The following SLIT3 variants were observed in gnomAD, a reference collection of about 807,000 sequenced individuals.
SLIT3 encodes slit guidance ligand 3, also known as slit homolog 3 protein.
Under a neutral mutation model 184.0 loss-of-function variants are expected in SLIT3, and 68 were observed. The ratio of observed to expected loss-of-function variants is 0.37; its 90% CI spans 0.30 to 0.45. SLIT3 has a LOEUF of 0.45. Ranked by LOEUF, SLIT3 falls within the 20% of genes least tolerant of loss-of-function variation. SLIT3 has a pLI of 1.00. For missense variants in SLIT3, 1,707 were observed against 2,026.0 expected, an observed-to-expected ratio of 0.84 and a Z score of 3.02; for synonymous variants, 831 against 828.6, an observed-to-expected ratio of 1.00 and a Z score of -0.05.
At chr5:169,248,182 C>T (rs1011405721) in intron 2 of SLIT3, among the ~76,000 whole-genome samples, 3 of 152,108 alleles carry the variant, frequency 2.0e-5, no homozygotes, top group Non-Finnish European at 4.4e-5. Flanking sequence ...GTAGTGACCC[C>T]GTTTTGACTC....
intron 14 of SLIT3, chr5:168,768,245 A>G (rs1400764176): frequency 2.0e-6 from 1 of 511,676 alleles, no homozygotes. Flanking sequence ...AAAGCCCCGC[A>G]GCGACTGGTC....
chr5:168,772,896 C>T lies in SLIT3; in HGVS notation c.1344G>A (p.Leu448=). 6.8e-6 allele frequency: 11 copies of T among 1,613,212 alleles called. No homozygotes were observed. The highest frequency in any genetic ancestry group is 9.3e-6 in the Non-Finnish European group (11 of 1,179,562). The change falls in exon 14 of 36, where the codon CTG becomes CTA. Residue 448 remains leucine (L), a synonymous_variant. Coordinates refer to ENST00000519560, the MANE Select transcript of SLIT3 (RefSeq NM_003062.4). The part of the protein sequence containing the change: ...PFVCDCHLKW[L]ADYLQDNPIE... ...TGGGGTTGTCCTGGAGGTAGTCGGC[C>T]AGCCACTTCAAGTGGCAGTCGCACA...
intron 4 of SLIT3, among the ~76,000 whole-genome samples, chr5:168,887,919 G>A (rs895906123): frequency 7.2e-5 from 11 of 152,120 alleles, no homozygotes; most frequent in Non-Finnish European, 1.3e-4. Flanking sequence ...ATACGTAAAT[G>A]TTGCTGTACT....
intron 4 of SLIT3, among the ~76,000 whole-genome samples, chr5:169,035,647 G>GAAAAAA (rs201819555): frequency 0.042 from 4,388 of 103,268 alleles, 88 homozygotes; most frequent in Non-Finnish European, 0.051. Context: ...ACTGCATCTG[G>GAAAAAA]AAAAAAAAAA....
intron 1 of SLIT3, among the ~76,000 whole-genome samples, chr5:169,274,842 G>A (rs1163259571): frequency 1.3e-5 from 2 of 152,222 alleles, no homozygotes; most frequent in Admixed American, 1.3e-4. Context: ...GGGTGGTCTT[G>A]TGTGGGTCAT....
intron 5 of SLIT3, among the ~76,000 whole-genome samples, chr5:168,871,734 A>G (rs545190930): frequency 1.3e-5 from 2 of 152,286 alleles, no homozygotes; most frequent in African/African-American, 4.8e-5. Context: ...TCAGAGATGG[A>G]ATAAAAGCAG....
At chr5:168,965,111 T>C (rs1457990665) in intron 4 of SLIT3, among the ~76,000 whole-genome samples, 1 of 152,220 alleles carries the variant, frequency 6.6e-6, no homozygotes, top group Non-Finnish European at 1.5e-5. Flanking sequence ...TGTGGGACTT[T>C]GTTCATCTCA....
chr5:168,686,079 C>T (rs1331795613), intron 30 of SLIT3, 152 bp from the exon 31 acceptor site: 23 of 863,198 alleles, frequency 2.7e-5, no homozygotes, highest in South Asian at 2.5e-4. Context: ...TGCCACTAAC[C>T]GGGGCAAGAC....
intron 9 of SLIT3, among the ~76,000 whole-genome samples, chr5:168,805,973 A>T (rs1756939969): frequency 6.6e-6 from 1 of 152,216 alleles, no homozygotes; most frequent in African/African-American, 2.4e-5. Flanking sequence ...TGAAGGAGAC[A>T]TTATTTTACC....
At chr5:168,870,022 G>A (rs1759453669) in intron 5 of SLIT3, among the ~76,000 whole-genome samples, 1 of 152,238 alleles carries the variant, frequency 6.6e-6, no homozygotes, top group Non-Finnish European at 1.5e-5. Context: ...CGGCACGGCA[G>A]GCGCTATGCA....
At position 168,740,829 on chromosome 5, in the gene SLIT3, G is replaced by A. The variant is rs116356957; in HGVS notation, c.2270+7473C>T. Among the ~76,000 whole-genome samples the A allele has an allele frequency of 3.1e-3, 465 of 152,202 alleles. 2 individuals are homozygous for A. Among genetic ancestry groups the A allele is most frequent in the Non-Finnish European group, 4.9e-3 (331 of 67,998 alleles). On this transcript the variant is annotated intron_variant, in intron 20 of 35. Coordinates refer to ENST00000519560, the MANE Select transcript of SLIT3 (RefSeq NM_003062.4). ...AATTATCTTTGTTATTTCAGTTTTC[G>A]TTCCATGAGCTTTGGGGAAAAGCAT...
At chr5:168,865,922 A>G (rs377677898) in intron 5 of SLIT3, among the ~76,000 whole-genome samples, 1 of 152,288 alleles carries the variant, frequency 6.6e-6, no homozygotes, top group South Asian at 2.1e-4. Context: ...CTAATAATAT[A>G]TTGGTTAGAT....
intron 4 of SLIT3, among the ~76,000 whole-genome samples, chr5:169,145,276 A>G (rs1761889083): frequency 6.6e-6 from 1 of 151,832 alleles, no homozygotes; most frequent in Non-Finnish European, 1.5e-5. Flanking sequence ...CTCCTGGACT[A>G]CAGAGGAAAC....
intron 35 of SLIT3, among the ~76,000 whole-genome samples, chr5:168,667,273 T>G (rs1761087520): frequency 6.6e-6 from 1 of 152,172 alleles, no homozygotes; most frequent in South Asian, 2.1e-4. Flanking sequence ...CTAGATACTA[T>G]TTAAGTGAAT....
At chr5:168,979,848 CCTT>C (rs1754890965) in intron 4 of SLIT3, among the ~76,000 whole-genome samples, 1 of 152,178 alleles carries the variant, frequency 6.6e-6, no homozygotes, top group Non-Finnish European at 1.5e-5. Context: ...TCTATTTTAA[CCTT>C]CGTAGGTTTT....
chr5:168,969,860 G>A (rs2113317289), intron 4 of SLIT3, among the ~76,000 whole-genome samples: 2 of 152,334 alleles, frequency 1.3e-5, no homozygotes, highest in Middle Eastern at 3.4e-3. Context: ...AGCAAGCTTA[G>A]CTAATTTCTT....
chr5:169,278,070 T>C (rs1245418675), intron 1 of SLIT3, among the ~76,000 whole-genome samples: 1 of 152,212 alleles, frequency 6.6e-6, no homozygotes, highest in Non-Finnish European at 1.5e-5. Context: ...ATAAATGGTC[T>C]CTCCTGCTTA....
At chr5:169,083,971 A>T (rs1412649270) in intron 4 of SLIT3, among the ~76,000 whole-genome samples, 1 of 151,874 alleles carries the variant, frequency 6.6e-6, no homozygotes, top group Non-Finnish European at 1.5e-5. Context: ...TCTGCCTGTT[A>T]CTCCCTTCGC....
chr5:169,159,535 G>T (rs931165213), intron 4 of SLIT3, among the ~76,000 whole-genome samples: 2 of 138,464 alleles, frequency 1.4e-5, no homozygotes, highest in Admixed American at 7.2e-5. Context: ...CAGCACTTTG[G>T]GAGGCTGAGG....
Sources: allele counts gnomAD v4.1 joint callset (sites outside exome capture counted in the v4.1 genomes callset), GRCh38; gene constraint gnomAD v4.1.1; transcripts MANE v1.5; gene names NCBI Gene and HGNC (gene_info 2026-07-23, HGNC 2026-07-21).